NALF1: variants seen among roughly 807,000 people sequenced by gnomAD.
NALF1 encodes NALCN channel auxiliary factor 1.
In NALF1, 3 loss-of-function variants were observed where a neutral mutation model predicts 48.4. The observed-to-expected ratio is 0.06, with a 90% CI of 0.03 to 0.16. The LOEUF (loss-of-function observed/expected upper bound fraction) is 0.16. NALF1 is among the 10% of genes least tolerant of loss of function. NALF1 has a pLI of 1.00. For synonymous variants in NALF1, 262 were observed against 245.7 expected (o/e 1.07, Z -0.62); for missense variants, 526 against 571.5 (o/e 0.92, Z 0.81).
chr13:107,622,799 G>A (rs1029031004), intron 1 of NALF1, among the ~76,000 whole-genome samples: 24 of 152,046 alleles, frequency 1.6e-4, no homozygotes, highest in Non-Finnish European at 3.5e-4. Context: ...AACCCTTTAA[G>A]GAACAGTTCT....
At chr13:107,399,940 A>G (rs1405900727) in intron 1 of NALF1, among the ~76,000 whole-genome samples, 1 of 152,216 alleles carries the variant, frequency 6.6e-6, no homozygotes, top group Non-Finnish European at 1.5e-5. Context: ...ATCATTTCAT[A>G]ATAATGCTCT....
intron 1 of NALF1, among the ~76,000 whole-genome samples, chr13:107,335,578 G>C (rs1882540679): frequency 6.6e-6 from 1 of 152,178 alleles, no homozygotes; most frequent in Admixed American, 6.5e-5. Flanking sequence ...AGACATGTTT[G>C]TGACTTTTTC....
chr13:107,533,477 C>T (rs1876705403), intron 1 of NALF1, among the ~76,000 whole-genome samples: 1 of 152,116 alleles, frequency 6.6e-6, no homozygotes, highest in African/African-American at 2.4e-5. Context: ...GGAGGCAGCC[C>T]TCATCCAACA....
chr13:107,610,809 A>G (rs948867722), intron 1 of NALF1, among the ~76,000 whole-genome samples: 7 of 152,190 alleles, frequency 4.6e-5, no homozygotes, highest in African/African-American at 1.7e-4. Context: ...TTCTAAGAAT[A>G]TTATTTGAGG....
At chr13:107,573,723 G>A (rs545445151) in intron 1 of NALF1, among the ~76,000 whole-genome samples, 1 of 152,198 alleles carries the variant, frequency 6.6e-6, no homozygotes, top group African/African-American at 2.4e-5. Context: ...CATGGCATCT[G>A]GTCTTTCCTA....
intron 1 of NALF1, among the ~76,000 whole-genome samples, chr13:107,410,439 A>G (rs1194897531): frequency 6.6e-6 from 1 of 152,180 alleles, no homozygotes; most frequent in Non-Finnish European, 1.5e-5. Context: ...TTCCACTGAA[A>G]AGACATTGGC....
intron 1 of NALF1, among the ~76,000 whole-genome samples, chr13:107,297,003 T>G (rs766123207): frequency 6.6e-6 from 1 of 150,734 alleles, no homozygotes; most frequent in African/African-American, 2.4e-5. Flanking sequence ...CAGACCTACA[T>G]AGATTAGAGT....
At chr13:107,387,175 G>A (rs749880152) in intron 1 of NALF1, among the ~76,000 whole-genome samples, 11 of 152,064 alleles carry the variant, frequency 7.2e-5, no homozygotes, top group Admixed American at 3.9e-4. Context: ...AAATTTCGAC[G>A]GTCCTAATGG....
At chr13:107,345,390 T>G (rs1349462683) in intron 1 of NALF1, among the ~76,000 whole-genome samples, 4 of 152,146 alleles carry the variant, frequency 2.6e-5, no homozygotes, top group Non-Finnish European at 5.9e-5. Context: ...GCCTCACACT[T>G]TCTGATTTTG....
intron 1 of NALF1, among the ~76,000 whole-genome samples, chr13:107,247,814 A>G (rs917957948): frequency 3.3e-5 from 5 of 152,024 alleles, no homozygotes; most frequent in Non-Finnish European, 7.3e-5. Context: ...AACAAATAAT[A>G]ACAACAAAAC....
At chr13:107,328,273 TACACACACAC>T (rs34987619) in intron 1 of NALF1, among the ~76,000 whole-genome samples, 21,517 of 144,062 alleles carry the variant, frequency 0.15, 1,982 homozygotes, top group Non-Finnish European at 0.22. Flanking sequence ...TCTCCTGCAA[TACACACACAC>T]ACACACACAC....
chr13:107,860,702 A>G (rs578261874), intron 1 of NALF1, among the ~76,000 whole-genome samples: 1 of 152,386 alleles, frequency 6.6e-6, no homozygotes, highest in African/African-American at 2.4e-5. Flanking sequence ...AAGATTTTAA[A>G]AGAAATTGAG....
intron 1 of NALF1, among the ~76,000 whole-genome samples, chr13:107,409,985 C>A (rs890874643): frequency 2.0e-5 from 3 of 152,146 alleles, no homozygotes; most frequent in Non-Finnish European, 2.9e-5. Flanking sequence ...TGCAGTAATG[C>A]AAGGCATCCA....
At chr13:107,359,591 C>T (rs1304341002) in intron 1 of NALF1, among the ~76,000 whole-genome samples, 1 of 151,440 alleles carries the variant, frequency 6.6e-6, no homozygotes, top group African/African-American at 2.4e-5. Flanking sequence ...CCCTTTCCTC[C>T]TTCCTTCATT....
intron 1 of NALF1, among the ~76,000 whole-genome samples, chr13:107,780,643 C>T (rs1225011706): frequency 6.6e-6 from 1 of 151,982 alleles, no homozygotes; most frequent in Non-Finnish European, 1.5e-5. Context: ...GGATTACAGG[C>T]GCCCACCAAC....
intron 1 of NALF1, among the ~76,000 whole-genome samples, chr13:107,724,005 T>A (rs575362429): frequency 6.6e-6 from 1 of 152,136 alleles, no homozygotes; most frequent in South Asian, 2.1e-4. Flanking sequence ...ACCTAAATAA[T>A]TTAAGTTAAA....
At position 107,852,925 on chromosome 13, in the gene NALF1, G is replaced by A. The variant is rs577192548; in HGVS notation, c.915+12757C>T. Among the ~76,000 whole-genome samples, 11 of 152,172 alleles carry A rather than the reference G, an allele frequency of 7.2e-5. No individual in the cohort carries two copies. The East Asian group carries it at 2.1e-3, about 30-fold the overall frequency. ...AGGAACTCTCAAACATCATTTTGCG[G>A]TTTTCCTGGCTTATTTGCAGCATCC... On this transcript the variant is annotated intron_variant, in intron 1 of 2. Coordinates refer to ENST00000375915, the MANE Select transcript of NALF1 (RefSeq NM_001080396.3).
intron 1 of NALF1, among the ~76,000 whole-genome samples, chr13:107,731,727 A>G (rs528736492): frequency 3.1e-4 from 47 of 152,302 alleles, no homozygotes; most frequent in African/African-American, 1.1e-3. Flanking sequence ...TGCAAAGGAC[A>G]TGATCTCATT....
At chr13:107,641,754 A>G (rs1468222206) in intron 1 of NALF1, among the ~76,000 whole-genome samples, 2 of 152,102 alleles carry the variant, frequency 1.3e-5, no homozygotes, top group African/African-American at 4.8e-5. Flanking sequence ...AGGCCTCACA[A>G]CCTGAACCGT....
Sources: allele counts gnomAD v4.1 joint callset (sites outside exome capture counted in the v4.1 genomes callset), GRCh38; gene constraint gnomAD v4.1.1; transcripts MANE v1.5; gene names NCBI Gene and HGNC (gene_info 2026-07-23, HGNC 2026-07-21).